The following FGF12 variants were observed in gnomAD, a reference collection of about 807,000 sequenced individuals.
The protein encoded by FGF12 is fibroblast growth factor 12B.
FGF12 carries 14 observed loss-of-function variants against 23.6 expected under a neutral mutation model. That is an observed-to-expected ratio of 0.59 (90% CI 0.39 to 0.93). FGF12 has a LOEUF of 0.93. FGF12 is among the 40% of genes least tolerant of loss of function. The probability of loss-of-function intolerance (pLI) is 0.00; values close to 1 mark genes in which losing one functional copy is unlikely to be tolerated. For synonymous variants in FGF12, 62 were observed against 77.3 expected (o/e 0.80, Z 1.04); for missense variants, 175 against 217.8 (o/e 0.80, Z 1.24).
intron 3 of FGF12, 78 bp from the exon 4 acceptor site, chr3:192,335,542 G>T: frequency 1.1e-6 from 1 of 906,302 alleles, no homozygotes; most frequent in Non-Finnish European, 1.8e-6. Flanking sequence ...ATTCTTTTGA[G>T]AATTAAAACC....
At chr3:192,604,447 G>A (rs945758737) in intron 2 of FGF12, among the ~76,000 whole-genome samples, 8 of 152,100 alleles carry the variant, frequency 5.3e-5, no homozygotes, top group Non-Finnish European at 7.3e-5. Flanking sequence ...AGCTCCAGCC[G>A]GTCCCTCCGT....
chr3:192,692,611 T>C (rs950203948), intron 2 of FGF12, among the ~76,000 whole-genome samples: 3 of 151,222 alleles, frequency 2.0e-5, no homozygotes, highest in Non-Finnish European at 2.9e-5. Flanking sequence ...GAGGCTGAGC[T>C]GGGAGGATCA....
intron 4 of FGF12, among the ~76,000 whole-genome samples, chr3:192,293,018 A>G (rs996691603): frequency 6.6e-6 from 1 of 152,078 alleles, no homozygotes; most frequent in African/African-American, 2.4e-5. Context: ...GGCCTCAAGC[A>G]GTCCTCCCAC....
At chr3:192,354,313 T>C (rs1208372637) in intron 3 of FGF12, among the ~76,000 whole-genome samples, 1 of 151,940 alleles carries the variant, frequency 6.6e-6, no homozygotes, top group Non-Finnish European at 1.5e-5. Flanking sequence ...AAATATCAAA[T>C]ATAAGAAAAG....
intron 2 of FGF12, among the ~76,000 whole-genome samples, chr3:192,622,747 AC>A (rs1365980847): frequency 6.6e-6 from 1 of 152,142 alleles, no homozygotes. Context: ...CAGATTTCTC[AC>A]TTTTCTTCAT....
intron 2 of FGF12, among the ~76,000 whole-genome samples, chr3:192,489,580 A>T (rs1723739075): frequency 6.6e-6 from 1 of 152,024 alleles, no homozygotes; most frequent in African/African-American, 2.4e-5. Flanking sequence ...CGGTAATTAG[A>T]CTTGGGAAGA....
intron 2 of FGF12, among the ~76,000 whole-genome samples, chr3:192,604,051 CT>C (rs1408305140): frequency 6.6e-6 from 1 of 152,096 alleles, no homozygotes; most frequent in African/African-American, 2.4e-5. Flanking sequence ...TATCAATAGT[CT>C]TTGTGAGGAA....
intron 4 of FGF12, among the ~76,000 whole-genome samples, chr3:192,219,921 T>C (rs1228012015): frequency 1.3e-5 from 2 of 152,190 alleles, no homozygotes; most frequent in African/African-American, 4.8e-5. Flanking sequence ...AGACCTAATT[T>C]TTCTTTTGAA....
chr3:192,187,063 A>G (rs562021475), intron 4 of FGF12, among the ~76,000 whole-genome samples: 5 of 152,304 alleles, frequency 3.3e-5, no homozygotes, highest in Non-Finnish European at 7.4e-5. Context: ...CTTAACTTGA[A>G]GCCAAGTAGC....
At chr3:192,388,576 G>A (rs769663855) in intron 2 of FGF12, among the ~76,000 whole-genome samples, 13 of 151,804 alleles carry the variant, frequency 8.6e-5, no homozygotes, top group Non-Finnish European at 1.8e-4. Flanking sequence ...TATTAAGAAA[G>A]ATATATAACT....
chr3:192,517,908 T>G (rs952089823), intron 2 of FGF12, among the ~76,000 whole-genome samples: 3 of 152,132 alleles, frequency 2.0e-5, no homozygotes, highest in Admixed American at 2.0e-4. Flanking sequence ...TTCTGAAGTA[T>G]CTTGAGCAAT....
rs890522454 is a variant in FGF12, at chr3:192,649,466, T to A, written c.13+77715A>T. On this transcript the variant is annotated intron_variant, in intron 2 of 5. Coordinates refer to ENST00000445105, the MANE Select transcript of FGF12 (RefSeq NM_004113.6). The stretch of plus-strand genomic sequence containing the variant: ...GGGTGCCTTGACAATGTAGTTTTAT[T>A]CTTATTATTATAACTTTGAGTTGTA... Among the ~76,000 whole-genome samples, 3 of 152,192 alleles carry A rather than the reference T, an allele frequency of 2.0e-5. No individual in the cohort carries two copies. In the East Asian group the frequency reaches 5.8e-4, roughly 29 times the overall value.
At chr3:192,209,271 G>A (rs550704823) in intron 4 of FGF12, among the ~76,000 whole-genome samples, 1 of 152,226 alleles carries the variant, frequency 6.6e-6, no homozygotes, top group East Asian at 1.9e-4. Flanking sequence ...ATGAAATGTG[G>A]ATGTAATGGC....
intron 4 of FGF12, among the ~76,000 whole-genome samples, chr3:192,254,556 G>A (rs1160557476): frequency 3.3e-5 from 5 of 151,934 alleles, no homozygotes; most frequent in African/African-American, 1.2e-4. Flanking sequence ...TAAATTCAGA[G>A]GCTATGTAGG....
At chr3:192,555,101 G>A (rs1711706658) in intron 2 of FGF12, among the ~76,000 whole-genome samples, 1 of 152,080 alleles carries the variant, frequency 6.6e-6, no homozygotes, top group Admixed American at 6.6e-5. Flanking sequence ...GAAAGAGAAA[G>A]GGAAGGAAAG....
At chr3:192,249,334 T>A (rs548412305) in intron 4 of FGF12, among the ~76,000 whole-genome samples, 44 of 152,352 alleles carry the variant, frequency 2.9e-4, no homozygotes, top group African/African-American at 1.1e-3. Flanking sequence ...ATGCAGCAGC[T>A]ACTCGATAAA....
At chr3:192,190,503 T>C (rs537461421) in intron 4 of FGF12, among the ~76,000 whole-genome samples, 15 of 126,868 alleles carry the variant, frequency 1.2e-4, no homozygotes, top group African/African-American at 4.8e-4. Flanking sequence ...TGAGACTGAG[T>C]CTCGCTCTGT....
intron 4 of FGF12, among the ~76,000 whole-genome samples, chr3:192,278,002 C>A (rs1364397460): frequency 6.6e-6 from 1 of 152,148 alleles, no homozygotes; most frequent in Non-Finnish European, 1.5e-5. Flanking sequence ...ACCTCGTGAT[C>A]CACCTGCCTC....
At chr3:192,194,263 A>T (rs1716949905) in intron 4 of FGF12, among the ~76,000 whole-genome samples, 1 of 152,180 alleles carries the variant, frequency 6.6e-6, no homozygotes. Flanking sequence ...TGTGCCTCAA[A>T]GTATGCTGAG....
Sources: allele counts gnomAD v4.1 joint callset (sites outside exome capture counted in the v4.1 genomes callset), GRCh38; gene constraint gnomAD v4.1.1; transcripts MANE v1.5; gene names NCBI Gene and HGNC (gene_info 2026-07-23, HGNC 2026-07-21).